The following PLA2G6 variants were observed in gnomAD, a reference collection of about 807,000 sequenced individuals.
PLA2G6 encodes phospholipase A2 group VI, also known as 85/88 kDa calcium-independent phospholipase A2.
In PLA2G6, 62 loss-of-function variants were observed where a neutral mutation model predicts 83.8. The ratio of observed to expected loss-of-function variants is 0.74; its 90% CI spans 0.60 to 0.91. PLA2G6 has a LOEUF of 0.91. Among genes scored for constraint, PLA2G6 ranks in the 40% least tolerant of loss-of-function variants. The pLI, the probability that PLA2G6 is intolerant of heterozygous loss-of-function variation, is 0.00. For missense variants in PLA2G6, 944 were observed against 1,102.0 expected (o/e 0.86, Z 2.03); for synonymous variants, 417 against 449.8 (o/e 0.93, Z 0.92).
chr22:38,111,725 G>A lies in PLA2G6; in HGVS notation c.*436C>T. 3.8e-6 allele frequency: 1 copy of A among 263,908 alleles called. No individual in the cohort carries two copies. The highest frequency in any genetic ancestry group is 7.6e-6 in the Non-Finnish European group (1 of 132,140). 16.3% of individuals were successfully genotyped at this position (263,908 alleles called of 1,614,324 possible). On this transcript the variant is annotated 3_prime_UTR_variant, in exon 17 of 17. Transcript: ENST00000332509. Reference sequence around the variant, plus strand: ...CATTTCTTTAGTCCCAGCCCCCAGGGAACGGAGCAGAGGGCAGAGGGAGTG... The same window carrying A: ...CATTTCTTTAGTCCCAGCCCCCAGGAAACGGAGCAGAGGGCAGAGGGAGTG...
Position 38,128,349 on chromosome 22 carries a change from G to A in PLA2G6, c.1268C>T (p.Ala423Val), listed in dbSNP as rs199636953. The A allele has an allele frequency of 1.9e-4, 303 of 1,613,562 alleles. 1 individual carries two copies. Among genetic ancestry groups the A allele is most frequent in the Non-Finnish European group, 2.5e-4 (294 of 1,179,812 alleles). Residue 423 changes from alanine (A) to valine (V), a missense_variant, in exon 9 of 17, where the codon GCG becomes GTG. Physicochemically the swap from Ala to Val is moderately conservative, Grantham distance 64. Transcript: ENST00000332509. The surrounding 1 kb of genome is among the most constrained non-coding windows in gnomAD (Gnocchi z 4.4). The stretch of plus-strand genomic sequence containing the variant: ...ATGTGGCGCTGCAGAGCCCTGCTCC[G>A]CGGGGACCCCGTGGATGGGTGGGAA... ...YCFPPIHGVP[A>V]EQGSAAPHHP... is the part of the protein sequence containing the mutation.
At chr22:38,155,572 TTGTC>T (rs766611269) in intron 2 of PLA2G6, among the ~76,000 whole-genome samples, 2 of 152,206 alleles carry the variant, frequency 1.3e-5, no homozygotes, top group African/African-American at 2.4e-5. Flanking sequence ...CTTTGCTTGT[TTGTC>T]TGTTTATGCA....
intron 9 of PLA2G6, chr22:38,127,172 T>G: frequency 8.5e-7 from 1 of 1,176,760 alleles, no homozygotes; most frequent in Non-Finnish European, 1.1e-6. Context: ...CTGTGCAGAG[T>G]CTAGAAGCAG....
chr22:38,172,209 C>T (rs1049867683), intron 1 of PLA2G6, among the ~76,000 whole-genome samples: 6 of 152,160 alleles, frequency 3.9e-5, no homozygotes, highest in African/African-American at 1.4e-4. Context: ...CTATTATTAT[C>T]CTCATTTTAC....
chr22:38,152,946 T>A (rs1344356474), intron 2 of PLA2G6, among the ~76,000 whole-genome samples: 1 of 151,852 alleles, frequency 6.6e-6, no homozygotes, highest in Admixed American at 6.6e-5. Context: ...CACATAGGTA[T>A]AGGAAGACGT....
rs574473648 is a variant in PLA2G6 at position 38,125,148 on chromosome 22, G to T, written c.1427+1223C>A. Among the ~76,000 whole-genome samples, 4 of 152,338 alleles carry T rather than the reference G, an allele frequency of 2.6e-5. No homozygotes were observed. In the East Asian group the frequency reaches 5.8e-4, roughly 22 times the overall value. ...CATGTGTGTACATGTGTGTGCATGTGTGTGGGTGTCCATGTGCATGCATGC... is the reference window on the plus strand; with the variant it reads ...CATGTGTGTACATGTGTGTGCATGTTTGTGGGTGTCCATGTGCATGCATGC... On this transcript the variant is annotated intron_variant, in intron 10 of 16. Transcript: ENST00000332509.
In PLA2G6 at chr22:38,120,815, C is replaced by T; in HGVS notation, c.1686G>A (p.Glu562=). The T allele has an allele frequency of 1.2e-6, 2 of 1,613,962 alleles. No homozygotes were observed. The highest frequency in any genetic ancestry group is 8.5e-7 in the Non-Finnish European group (1 of 1,180,038). The change falls in exon 12 of 17, where the codon GAG becomes GAA. Residue 562 remains glutamate, a synonymous_variant. Coordinates refer to ENST00000332509, the MANE Select transcript of PLA2G6 (RefSeq NM_003560.4). The part of the protein sequence containing the change: ...SRPYESGPLE[E]FLKREFGEHT... ...GCTCCCCAAACTCCCGCTTCAGGAA[C>T]TCCTCCAGGGGCCCCGACTCGTAGG...
At chr22:38,166,052 CT>C (rs1158177497) in intron 2 of PLA2G6, among the ~76,000 whole-genome samples, 1 of 152,138 alleles carries the variant, frequency 6.6e-6, no homozygotes, top group Admixed American at 6.6e-5. Flanking sequence ...TGCACAATGA[CT>C]GTGGTCTGGA....
intron 2 of PLA2G6, chr22:38,149,527 T>C (rs191729452): frequency 6.6e-6 from 1 of 152,284 alleles, no homozygotes; most frequent in East Asian, 1.9e-4. Context: ...AGACACAGAC[T>C]ATCTAATAAA....
At chr22:38,134,824 C>T (rs944233033) in intron 6 of PLA2G6, 164 bp downstream of exon 6, 55 of 609,336 alleles carry the variant, frequency 9.0e-5, no homozygotes, top group Admixed American at 3.0e-4. Context: ...CAGAGCCCTG[C>T]CAGGATCCCA....
chr22:38,126,279 G>A (rs2087850906), intron 10 of PLA2G6, 92 bp downstream of exon 10: 1 of 944,134 alleles, frequency 1.1e-6, no homozygotes, highest in South Asian at 1.3e-5. Flanking sequence ...TGAGGGTGCA[G>A]AGAGTAAAGC....
chr22:38,169,315 C>A lies in PLA2G6; in HGVS notation c.112G>T (p.Val38Phe), dbSNP rs1286869521. 1.2e-6 allele frequency: 2 copies of A among 1,614,232 alleles called. No homozygotes were observed. The highest frequency in any genetic ancestry group is 1.7e-6 in the Non-Finnish European group (2 of 1,180,036). Residue 38 changes from valine to phenylalanine, a missense_variant, in exon 2 of 17, where the codon GTT becomes TTT. By Grantham distance (50) the Val-to-Phe change is conservative. Coordinates refer to ENST00000332509, the MANE Select transcript of PLA2G6 (RefSeq NM_003560.4). Reference sequence around the variant, plus strand: ...AGAATCAGCTGCCCTTCCTCCCGAACTCGGTCACTCGAGGTGTAGTCGGCC... The same window carrying A: ...AGAATCAGCTGCCCTTCCTCCCGAAATCGGTCACTCGAGGTGTAGTCGGCC... Reference protein sequence around the residue: ...AVADYTSSDRVREEGQLILFQ... With the variant: ...AVADYTSSDRFREEGQLILFQ...
At chr22:38,157,637 C>A (rs1298572424) in intron 2 of PLA2G6, among the ~76,000 whole-genome samples, 1 of 152,120 alleles carries the variant, frequency 6.6e-6, no homozygotes, top group Non-Finnish European at 1.5e-5. Flanking sequence ...CAAAACCAGA[C>A]AAAGACATAT....
intron 1 of PLA2G6, among the ~76,000 whole-genome samples, chr22:38,173,596 C>T (rs2090519319): frequency 6.6e-6 from 1 of 152,126 alleles, no homozygotes; most frequent in Non-Finnish European, 1.5e-5. Context: ...ACCAAGCTTG[C>T]CTGCTGGGTT....
intron 1 of PLA2G6, among the ~76,000 whole-genome samples, chr22:38,173,264 C>T (rs2090506050): frequency 6.6e-6 from 1 of 152,090 alleles, no homozygotes; most frequent in Non-Finnish European, 1.5e-5. Flanking sequence ...CAGCGTCCTA[C>T]CCTTGACCTT....
At position 38,115,700 on chromosome 22, in the gene PLA2G6, G is replaced by A. The variant is rs754114238; in HGVS notation, c.1880-19C>T. ...AGCTGGTCTAGGGGCGGGGAAGGAG[G>A]GCGGCCCAGTGGCACAAGGGACTGG... On this transcript the variant is annotated intron_variant, in intron 13 of 16. Coordinates refer to ENST00000332509, the MANE Select transcript of PLA2G6 (RefSeq NM_003560.4). The A allele has an allele frequency of 6.3e-7, 1 of 1,587,652 alleles. No homozygotes were observed. The highest frequency in any genetic ancestry group is 1.8e-5 in the Admixed American group (1 of 56,220).
At chr22:38,168,058 T>A (rs2090289499) in intron 2 of PLA2G6, 2 of 168,572 alleles carry the variant, frequency 1.2e-5, no homozygotes, top group Admixed American at 6.6e-5. Flanking sequence ...ATCACCTCCT[T>A]GTGATCCACA....
intron 9 of PLA2G6, chr22:38,126,711 C>A: frequency 2.0e-6 from 1 of 510,244 alleles, no homozygotes; most frequent in Non-Finnish European, 3.6e-6. Context: ...GCCCAGCCAG[C>A]TCCCAGGTTC....
chr22:38,113,722 C>T, intron 14 of PLA2G6, 68 bp from the exon 15 acceptor site: 1 of 1,454,274 alleles, frequency 6.9e-7, no homozygotes, highest in Non-Finnish European at 9.6e-7. Flanking sequence ...AGGGGAGCGT[C>T]AAGGGGAGGC....
Sources: allele counts gnomAD v4.1 joint callset (sites outside exome capture counted in the v4.1 genomes callset), GRCh38; gene constraint gnomAD v4.1.1; non-coding constraint Gnocchi (gnomAD v3.1); transcripts MANE v1.5; gene names NCBI Gene and HGNC (gene_info 2026-07-23, HGNC 2026-07-21).